Variants in AFF1 observed in about 807,000 individuals in gnomAD.
AFF1 encodes AF4/FMR2 family member 1.
AFF1 carries 48 observed loss-of-function variants against 121.7 expected under a neutral mutation model. The ratio of observed to expected loss-of-function variants is 0.39; its 90% confidence interval spans 0.31 to 0.50. AFF1 has a LOEUF of 0.50. AFF1 is among the 20% of genes least tolerant of loss of function. AFF1 has a pLI of 0.76. For synonymous variants in AFF1, 613 were observed against 563.0 expected (o/e 1.09, Z -1.26); for missense variants, 1,523 against 1,511.7 (o/e 1.01, Z -0.12).
intron 2 of AFF1, among the ~76,000 whole-genome samples, chr4:86,966,697 C>T (rs762601685): frequency 8.5e-5 from 13 of 152,096 alleles, no homozygotes; most frequent in East Asian, 3.9e-4. Flanking sequence ...TTGATTGTAG[C>T]GTGTGGGCAT....
rs59568294 is a variant in AFF1, at chr4:86,982,848, CAAAAAAAAAAAAAAAA to C, written c.38+34289_38+34304del. ...GGGCGACAGAGTAAGACTCTGTCTC[CAAAAAAAAAAAAAAAA>C]AAAAAAAAAAAGGAAGCTTGTTTGC... On this transcript the variant is annotated intron_variant, in intron 2 of 20. Transcript: ENST00000395146. Among the ~76,000 whole-genome samples, 29 of 53,810 alleles carry C rather than the reference CAAAAAAAAAAAAAAAA, an allele frequency of 5.4e-4. No homozygotes were observed. In the South Asian group the frequency reaches 0.014, roughly 26 times the overall value. The allele number at this position is 53,810 out of a possible 152,430, so 35.3% of individuals were successfully genotyped here.
At chr4:87,010,491 T>G (rs926447025) in intron 2 of AFF1, among the ~76,000 whole-genome samples, 2 of 152,196 alleles carry the variant, frequency 1.3e-5, no homozygotes, top group African/African-American at 2.4e-5. Flanking sequence ...AAACTTGCTT[T>G]CTTTGATGTG....
chr4:87,115,634 A>C, intron 12 of AFF1, among the ~76,000 whole-genome samples: 1 of 922 alleles, frequency 1.1e-3, no homozygotes, highest in Non-Finnish European at 5.0e-3. Flanking sequence ...TTCCAAAGAC[A>C]GGCCCTTGCT....
chr4:86,984,036 C>CA (rs918906132), intron 2 of AFF1, among the ~76,000 whole-genome samples: 55 of 148,770 alleles, frequency 3.7e-4, no homozygotes, highest in Middle Eastern at 3.4e-3. Context: ...GACTCCATCT[C>CA]AAAAAAAAAG....
At chr4:87,132,989 C>G (rs901592333) in intron 19 of AFF1, among the ~76,000 whole-genome samples, 1 of 152,254 alleles carries the variant, frequency 6.6e-6, no homozygotes, top group Non-Finnish European at 1.5e-5. Context: ...AGCCACCGCA[C>G]CTGGCCGAGC....
chr4:87,004,415 T>TAAAAC (rs1725938476), intron 2 of AFF1, among the ~76,000 whole-genome samples: 2 of 152,116 alleles, frequency 1.3e-5, no homozygotes, highest in Non-Finnish European at 2.9e-5. Flanking sequence ...TTAAAACCCA[T>TAAAAC]TACATATTGA....
chr4:87,084,828 A>G (rs992344678), intron 5 of AFF1, among the ~76,000 whole-genome samples: 1 of 152,204 alleles, frequency 6.6e-6, no homozygotes, highest in Admixed American at 6.5e-5. Context: ...ATAAAGGCCC[A>G]GGAGAGTTGC....
intron 8 of AFF1, among the ~76,000 whole-genome samples, chr4:87,104,735 A>G (rs1312650804): frequency 6.6e-6 from 1 of 152,204 alleles, no homozygotes; most frequent in African/African-American, 2.4e-5. Context: ...TTTAACCTCA[A>G]ATAATTTGCC....
chr4:86,956,487 G>C (rs994733164), intron 2 of AFF1, among the ~76,000 whole-genome samples: 1 of 152,178 alleles, frequency 6.6e-6, no homozygotes, highest in Non-Finnish European at 1.5e-5. Context: ...GCTATTTTAA[G>C]TATACAGTTT....
chr4:87,134,870 C>CT (rs1729169673), intron 20 of AFF1, among the ~76,000 whole-genome samples, 176 bp downstream of exon 20: 1 of 152,166 alleles, frequency 6.6e-6, no homozygotes, highest in Non-Finnish European at 1.5e-5. Flanking sequence ...TCCTTGAGCA[C>CT]TGTGGCATGG....
intron 2 of AFF1, among the ~76,000 whole-genome samples, chr4:86,954,771 G>T (rs146120198): frequency 0.021 from 3,210 of 152,240 alleles, 136 homozygotes; most frequent in African/African-American, 0.073. Flanking sequence ...TCATTAAGTG[G>T]AAGTGGATCA....
intron 15 of AFF1, 23 bp downstream of exon 15, chr4:87,127,140 C>A: frequency 4.1e-6 from 6 of 1,473,040 alleles, no homozygotes; most frequent in Non-Finnish European, 5.7e-6. Flanking sequence ...ATGATTTCTT[C>A]TTGCTCTGTT....
At chr4:87,020,714 G>C in intron 2 of AFF1, 1 of 776,428 alleles carries the variant, frequency 1.3e-6, no homozygotes, top group Non-Finnish European at 1.6e-6. Context: ...TCAGTCTCCT[G>C]ACCTCATGAT....
chr4:86,976,505 A>G (rs957727259), intron 2 of AFF1, among the ~76,000 whole-genome samples: 2 of 152,168 alleles, frequency 1.3e-5, no homozygotes, highest in Non-Finnish European at 2.9e-5. Flanking sequence ...TATCCTAAGC[A>G]AACTAACTCA....
At chr4:87,095,562 T>A (rs1337764719) in intron 8 of AFF1, among the ~76,000 whole-genome samples, 1 of 152,218 alleles carries the variant, frequency 6.6e-6, no homozygotes, top group Non-Finnish European at 1.5e-5. Context: ...TTTTAAGATG[T>A]CATTCTTTAA....
chr4:87,022,528 C>CT (rs79619342), intron 2 of AFF1, among the ~76,000 whole-genome samples: 16,073 of 118,554 alleles, frequency 0.14, 1,622 homozygotes, highest in East Asian at 0.27. Flanking sequence ...ACGATGTTTT[C>CT]TTCCCGTGCT....
intron 3 of AFF1, 76 bp from the exon 4 acceptor site, chr4:87,046,613 TTAATAG>T (rs1439272044): frequency 7.1e-7 from 1 of 1,416,022 alleles, no homozygotes; most frequent in East Asian, 2.3e-5. Context: ...AGTTTTTTCC[TTAATAG>T]TATTATATAA....
At chr4:87,112,927 ACTAATATTTTT>A (rs1190976546) in intron 11 of AFF1, among the ~76,000 whole-genome samples, 9 of 152,236 alleles carry the variant, frequency 5.9e-5, no homozygotes, top group African/African-American at 2.2e-4. Context: ...TCTGTTAGAC[ACTAATATTTTT>A]CTATATGATA....
intron 4 of AFF1, among the ~76,000 whole-genome samples, chr4:87,053,402 C>T (rs1434165604): frequency 1.3e-5 from 2 of 152,256 alleles, no homozygotes; most frequent in Non-Finnish European, 2.9e-5. Context: ...ACCAGCCTAA[C>T]AACTGCATGA....
Sources: allele counts gnomAD v4.1 joint callset (sites outside exome capture counted in the v4.1 genomes callset), GRCh38; gene constraint gnomAD v4.1.1; transcripts MANE v1.5; gene names NCBI Gene and HGNC (gene_info 2026-07-23, HGNC 2026-07-21).